Variants in HSF2BP observed in about 807,000 individuals in gnomAD.
HSF2BP encodes the protein heat shock transcription factor 2 binding protein.
A neutral mutation model predicts 35.0 loss-of-function variants in HSF2BP; 35 were observed. That is an observed-to-expected ratio of 1.00 (90% CI 0.76 to 1.32). The LOEUF (loss-of-function observed/expected upper bound fraction) is 1.32, where lower values mean the gene tolerates loss of function less well. HSF2BP is among the 40% of genes most tolerant of loss of function. The pLI, the probability that HSF2BP is intolerant of heterozygous loss-of-function variation, is 0.00. For missense variants in HSF2BP, 326 were observed against 321.7 expected, an observed-to-expected ratio of 1.01 and a Z score of -0.10; for synonymous variants, 114 against 117.4, an observed-to-expected ratio of 0.97 and a Z score of 0.18.
chr21:43,659,245 C>T lies in HSF2BP; in HGVS notation c.-225+141G>A, dbSNP rs2082930154. The T allele has an allele frequency of 6.6e-6, 1 of 152,646 alleles. No individual in the cohort carries two copies. The highest frequency in any genetic ancestry group is 1.9e-4 in the East Asian group (1 of 5,190). The allele number at this position is 152,646 out of a possible 1,614,324, so 9.5% of individuals were successfully genotyped here. A position where few individuals can be genotyped will look rare whatever the true frequency, so the allele number is the denominator to read the frequency against. On this transcript the variant is annotated intron_variant, in intron 1 of 8. Transcript: ENST00000291560. The surrounding 1 kb of genome is among the most constrained non-coding windows in gnomAD (Gnocchi z 4.2). ...CTGGGAGGTCGAGGCTGCAGTGAGC[C>T]AGGATCACCGCCAAGATCGCGCCAC...
chr21:43,625,158 C>T (rs375460937), intron 6 of HSF2BP, among the ~76,000 whole-genome samples: 3 of 152,104 alleles, frequency 2.0e-5, no homozygotes, highest in African/African-American at 7.2e-5. Flanking sequence ...ACAGCTACCC[C>T]ATTCTTTCCG....
At chr21:43,584,461 G>A (rs748020731) in intron 8 of HSF2BP, among the ~76,000 whole-genome samples, 2 of 152,204 alleles carry the variant, frequency 1.3e-5, no homozygotes, top group Non-Finnish European at 2.9e-5. Context: ...CTGGATGAGA[G>A]CCACCCAACT....
chr21:43,618,659 G>A (rs1300997188), intron 6 of HSF2BP, among the ~76,000 whole-genome samples: 4 of 152,170 alleles, frequency 2.6e-5, no homozygotes, highest in East Asian at 3.9e-4. Flanking sequence ...AAAGCTGGCC[G>A]GGCGCAGTGG....
intron 8 of HSF2BP, among the ~76,000 whole-genome samples, chr21:43,588,021 T>C (rs1454342617): frequency 6.6e-6 from 1 of 152,180 alleles, no homozygotes; most frequent in African/African-American, 2.4e-5. Flanking sequence ...TGGCATATTG[T>C]TTCAGGGCAA....
intron 6 of HSF2BP, among the ~76,000 whole-genome samples, chr21:43,625,353 A>T (rs2146972153): frequency 6.6e-6 from 1 of 152,234 alleles, no homozygotes; most frequent in Middle Eastern, 3.4e-3. Context: ...AGCAAAAAAA[A>T]TAAAAAATAA....
chr21:43,588,275 G>A (rs1294835395), intron 8 of HSF2BP, among the ~76,000 whole-genome samples: 1 of 152,188 alleles, frequency 6.6e-6, no homozygotes, highest in Non-Finnish European at 1.5e-5. Context: ...CTACTTGGGA[G>A]GCTGAGGCAG....
chr21:43,639,034 T>C (rs1016890681), intron 4 of HSF2BP, among the ~76,000 whole-genome samples: 1 of 152,154 alleles, frequency 6.6e-6, no homozygotes, highest in Non-Finnish European at 1.5e-5. Context: ...CAAAAGCAAT[T>C]CAATGAAGGA....
intron 7 of HSF2BP, among the ~76,000 whole-genome samples, chr21:43,602,022 ACT>A (rs1410951478): frequency 2.0e-5 from 3 of 152,144 alleles, no homozygotes; most frequent in Non-Finnish European, 4.4e-5. Flanking sequence ...GCACAGTAAC[ACT>A]CTGTAGAACT....
chr21:43,647,640 C>T (rs974786775), intron 3 of HSF2BP, among the ~76,000 whole-genome samples: 3 of 152,118 alleles, frequency 2.0e-5, no homozygotes, highest in African/African-American at 7.2e-5. Context: ...ATAAGGGTTT[C>T]TAAAACACTA....
intron 6 of HSF2BP, among the ~76,000 whole-genome samples, chr21:43,628,748 A>G (rs577623118): frequency 1.7e-4 from 26 of 152,378 alleles, no homozygotes; most frequent in African/African-American, 6.3e-4. Flanking sequence ...GCCTGGCTTC[A>G]AAGCATCAAA....
intron 3 of HSF2BP, among the ~76,000 whole-genome samples, chr21:43,645,805 G>A (rs537780382): frequency 6.6e-6 from 1 of 152,236 alleles, no homozygotes; most frequent in South Asian, 2.1e-4. Flanking sequence ...GGGTCTGAGA[G>A]GACAAGAGGA....
intron 4 of HSF2BP, 64 bp from the exon 5 acceptor site, chr21:43,633,485 T>C: frequency 7.8e-7 from 1 of 1,288,880 alleles, no homozygotes; most frequent in Non-Finnish European, 1.0e-6. Context: ...CTTTATTACA[T>C]TTCCTCTTTC....
intron 8 of HSF2BP, among the ~76,000 whole-genome samples, chr21:43,580,945 C>T (rs1480924494): frequency 3.9e-5 from 6 of 152,132 alleles, no homozygotes; most frequent in African/African-American, 1.2e-4. Flanking sequence ...CTCTGTGTTA[C>T]GTGATATAGC....
At chr21:43,601,604 C>T (rs1268765216) in intron 7 of HSF2BP, among the ~76,000 whole-genome samples, 2 of 152,068 alleles carry the variant, frequency 1.3e-5, no homozygotes, top group Non-Finnish European at 2.9e-5. Flanking sequence ...TCAGAAGAGC[C>T]GATGTTCACA....
intron 5 of HSF2BP, among the ~76,000 whole-genome samples, chr21:43,632,864 T>C (rs1485858175): frequency 7.0e-6 from 1 of 141,932 alleles, no homozygotes; most frequent in African/African-American, 2.6e-5. Context: ...CTCAAGGTTC[T>C]GCATCTATAT....
At chr21:43,572,203 G>A (rs995138479) in intron 8 of HSF2BP, among the ~76,000 whole-genome samples, 1 of 152,194 alleles carries the variant, frequency 6.6e-6, no homozygotes, top group African/African-American at 2.4e-5. Context: ...GGGGAAACAC[G>A]ACATGTCCAG....
chr21:43,658,295 C>G lies in HSF2BP; in HGVS notation c.-199G>C. 1 of 599,702 alleles carries G rather than the reference C, an allele frequency of 1.7e-6. No homozygotes were observed. Among genetic ancestry groups the G allele is most frequent in the Middle Eastern group, 2.8e-4 (1 of 3,528 alleles). 37.1% of individuals were successfully genotyped at this position (599,702 alleles called of 1,614,324 possible). A position where few individuals can be genotyped will look rare whatever the true frequency, so the allele number is the denominator to read the frequency against. ...CGAGGTCCCTCTTTGGCTCTTCTGGCTTAGCCGGGGTTTTAAACTTGTTAT... is the reference window on the plus strand; with the variant it reads ...CGAGGTCCCTCTTTGGCTCTTCTGGGTTAGCCGGGGTTTTAAACTTGTTAT... On this transcript the variant is annotated 5_prime_UTR_variant, in exon 2 of 9. Transcript: ENST00000291560.
At chr21:43,614,088 G>T in intron 6 of HSF2BP, 141 bp from the exon 7 acceptor site, 1 of 674,904 alleles carries the variant, frequency 1.5e-6, no homozygotes, top group Non-Finnish European at 2.6e-6. Flanking sequence ...AAATTGCTAG[G>T]CATGGTTGTT....
chr21:43,604,099 AGG>A (rs1368455211), intron 7 of HSF2BP, among the ~76,000 whole-genome samples: 3 of 152,040 alleles, frequency 2.0e-5, no homozygotes, highest in Admixed American at 6.6e-5. Flanking sequence ...AAGGCTAAAC[AGG>A]AGCCAGTGGA....
Sources: gnomAD v4.1 joint callset for allele counts (sites outside exome capture counted in the v4.1 genomes callset) on GRCh38, gnomAD v4.1.1 for gene constraint, Gnocchi (gnomAD v3.1) non-coding constraint, MANE v1.5 for transcripts, NCBI Gene and HGNC (gene_info 2026-07-23, HGNC 2026-07-21) for gene names.